Variants in ATP6V1B2 observed in about 807,000 individuals in gnomAD.
ATP6V1B2 encodes V-type proton ATPase subunit B, brain isoform.
Under a neutral mutation model 66.7 loss-of-function variants are expected in ATP6V1B2, and 23 were observed. That is an observed-to-expected ratio of 0.34 (90% confidence interval 0.25 to 0.49). The LOEUF is 0.49. ATP6V1B2 is among the 20% of genes least tolerant of loss of function. ATP6V1B2 has a pLI of 0.99. For missense variants in ATP6V1B2, 478 were observed against 650.8 expected (o/e 0.73, Z 2.89); for synonymous variants, 278 against 236.7 (o/e 1.17, Z -1.60).
At chr8:20,220,198 A>G in intron 13 of ATP6V1B2, 65 bp from the exon 14 acceptor site, 2 of 1,546,478 alleles carry the variant, frequency 1.3e-6, no homozygotes, top group Admixed American at 2.1e-5. Flanking sequence ...ATAACAATAC[A>G]TACTGGATAA....
chr8:20,211,470 A>C, intron 6 of ATP6V1B2, 154 bp downstream of exon 6: 1 of 1,297,942 alleles, frequency 7.7e-7, no homozygotes, highest in Non-Finnish European at 1.0e-6. Context: ...ATTTCTGCAC[A>C]TGTCTTCTTG....
intron 8 of ATP6V1B2, 39 bp downstream of exon 8, chr8:20,212,238 G>T: frequency 6.3e-7 from 1 of 1,583,946 alleles, no homozygotes. Flanking sequence ...GCCCAGACTC[G>T]GGATCAAAAG....
chr8:20,198,862 T>C lies in ATP6V1B2; in HGVS notation c.136+1320T>C, dbSNP rs188392269. ...ATTAGAAAATGTATGTTGGGACTTA[T>C]CTGAGCTGAAGTAGCTACTTCAGGA... On this transcript the variant is annotated intron_variant, in intron 1 of 13. Coordinates refer to ENST00000276390, the MANE Select transcript of ATP6V1B2 (RefSeq NM_001693.4). 6.2e-4 allele frequency among the ~76,000 whole-genome samples: 94 copies of C among 152,326 alleles called. 1 individual carries two copies. Among genetic ancestry groups the C allele is most frequent in the African/African-American group, 1.9e-3 (78 of 41,586 alleles).
chr8:20,197,871 C>T (rs2072644750), intron 1 of ATP6V1B2, among the ~76,000 whole-genome samples: 1 of 152,196 alleles, frequency 6.6e-6, no homozygotes, highest in Admixed American at 6.5e-5. Context: ...CACTTCTTGC[C>T]ACTCCGATCT....
Position 20,214,594 on chromosome 8 carries a change from GA to G in ATP6V1B2, c.928-223del, listed in dbSNP as rs2072831192. 12 of 379,152 alleles carry G rather than the reference GA, an allele frequency of 3.2e-5. No homozygotes were observed. The Admixed American group carries it at 4.2e-4, about 13-fold the overall frequency. The allele number at this position is 379,152 out of a possible 1,614,324, so 23.5% of individuals were successfully genotyped here. A position where few individuals can be genotyped will look rare whatever the true frequency, so the allele number is the denominator to read the frequency against. ...TTGAAAACTTACATTATGGCAATAC[GA>G]TTTTAGCAAAAACCTTCTGGTGCCC... On this transcript the variant is annotated intron_variant, in intron 9 of 13. Coordinates refer to ENST00000276390, the MANE Select transcript of ATP6V1B2 (RefSeq NM_001693.4).
At chr8:20,202,171 G>A (rs975228293) in intron 1 of ATP6V1B2, among the ~76,000 whole-genome samples, 1 of 152,142 alleles carries the variant, frequency 6.6e-6, no homozygotes. Flanking sequence ...ATTGTTTTGG[G>A]TGGTATCGCT....
chr8:20,206,321 A>T (rs1228312846), intron 2 of ATP6V1B2, among the ~76,000 whole-genome samples: 1 of 152,140 alleles, frequency 6.6e-6, no homozygotes, highest in Admixed American at 6.6e-5. Context: ...TGTACCCCAT[A>T]GGTTAAGGGC....
At chr8:20,217,078 C>G in intron 11 of ATP6V1B2, 142 bp from the exon 12 acceptor site, 1 of 667,314 alleles carries the variant, frequency 1.5e-6, no homozygotes, top group South Asian at 1.8e-5. Flanking sequence ...CAGGAAGAGA[C>G]AGTAGGATTC....
chr8:20,197,757 T>A (rs997302613), intron 1 of ATP6V1B2, among the ~76,000 whole-genome samples: 1 of 152,102 alleles, frequency 6.6e-6, no homozygotes, highest in African/African-American at 2.4e-5. Context: ...AGCGGGAACT[T>A]TTTCCTGGGG....
chr8:20,216,523 C>T (rs1227069440), intron 11 of ATP6V1B2, 28 bp downstream of exon 11: 19 of 1,579,140 alleles, frequency 1.2e-5, no homozygotes, highest in Non-Finnish European at 1.5e-5. Context: ...TGCTGGGAAG[C>T]TTGCAGACCT....
chr8:20,218,291 A>G lies in ATP6V1B2; in HGVS notation c.1396+9A>G. ...GAACTTCATTGCTCAGGGTAAGATG[A>G]CTGTTGGCTTACAAACATAAAAAGC... On this transcript the variant is annotated intron_variant, in intron 13 of 13. Transcript: ENST00000276390. 1 of 1,609,096 alleles carries G rather than the reference A, an allele frequency of 6.2e-7. No homozygotes were observed. The highest frequency in any genetic ancestry group is 2.2e-5 in the East Asian group (1 of 44,830).
At chr8:20,202,567 T>G (rs2072698398) in intron 1 of ATP6V1B2, among the ~76,000 whole-genome samples, 2 of 152,254 alleles carry the variant, frequency 1.3e-5, no homozygotes, top group South Asian at 4.1e-4. Context: ...GATGTCAATT[T>G]GAGTCACTGT....
chr8:20,217,436 T>G, intron 12 of ATP6V1B2, 112 bp downstream of exon 12: 1 of 949,860 alleles, frequency 1.1e-6, no homozygotes, highest in Non-Finnish European at 1.7e-6. Context: ...ACATGGAATT[T>G]TAGTGTAGGC....
chr8:20,198,909 T>A (rs572493222), intron 1 of ATP6V1B2, among the ~76,000 whole-genome samples: 17 of 152,364 alleles, frequency 1.1e-4, no homozygotes, highest in African/African-American at 4.1e-4. Flanking sequence ...GTTGCATTCT[T>A]ATGCAAACCT....
chr8:20,202,447 A>T (rs769479876), intron 1 of ATP6V1B2, among the ~76,000 whole-genome samples: 1 of 152,224 alleles, frequency 6.6e-6, no homozygotes, highest in Non-Finnish European at 1.5e-5. Flanking sequence ...TAAATGTATG[A>T]TAGTGTTATC....
Position 20,212,207 on chromosome 8 carries a change from A to C in ATP6V1B2, c.803+8A>C, listed in dbSNP as rs1274788107. On this transcript the variant is annotated splice_region_variant and intron_variant, in intron 8 of 13. Transcript: ENST00000276390. The stretch of plus-strand genomic sequence containing the variant: ...CTTGGCTAATGACCCAACGTAAGTA[A>C]CAGAGCTATTTCTTTCTGTGGCCCA... 1.2e-6 allele frequency: 2 copies of C among 1,611,430 alleles called. No individual in the cohort carries two copies. Among genetic ancestry groups the C allele is most frequent in the Non-Finnish European group, 1.7e-6 (2 of 1,178,022 alleles).
chr8:20,212,156 A>G lies in ATP6V1B2; in HGVS notation c.760A>G (p.Met254Val), dbSNP rs771254645. ...FKSDFEENGS[M>V]DNVCLFLNLA... is the part of the protein sequence containing the mutation. ...ATCTGACTTTGAAGAAAATGGCTCA[A>G]TGGACAATGTCTGCCTCTTTTTGAA... Residue 254 changes from methionine (M) to valine (V), a missense_variant, in exon 8 of 14, where the codon ATG becomes GTG. Physicochemically the swap from Met to Val is conservative, Grantham distance 21. Coordinates refer to ENST00000276390, the MANE Select transcript of ATP6V1B2 (RefSeq NM_001693.4). 7 of 1,613,730 alleles carry G rather than the reference A, an allele frequency of 4.3e-6. No individual in the cohort carries two copies. Among genetic ancestry groups the G allele is most frequent in the East Asian group, 2.2e-5 (1 of 44,856 alleles).
Position 20,209,129 on chromosome 8 carries a change from T to C in ATP6V1B2, c.193-304T>C, listed in dbSNP as rs1237691740. On this transcript the variant is annotated intron_variant, in intron 2 of 13. Coordinates refer to ENST00000276390, the MANE Select transcript of ATP6V1B2 (RefSeq NM_001693.4). ...GTGAGAACATGTTTATCTGTACTTT[T>C]CTGTAGCCTCAAAACTATAAAATAT... is the stretch of plus-strand genomic sequence containing the variant. Among the ~76,000 whole-genome samples, 4 of 152,330 alleles carry C rather than the reference T, an allele frequency of 2.6e-5. No individual in the cohort carries two copies. In the South Asian group the frequency reaches 6.2e-4, roughly 24 times the overall value.
At chr8:20,217,803 A>C (rs2072870475) in intron 12 of ATP6V1B2, among the ~76,000 whole-genome samples, 1 of 152,204 alleles carries the variant, frequency 6.6e-6, no homozygotes, top group Admixed American at 6.5e-5. Context: ...TGGTAAACTT[A>C]GCGATATCAC....
Sources: allele counts gnomAD v4.1 joint callset (sites outside exome capture counted in the v4.1 genomes callset), GRCh38; gene constraint gnomAD v4.1.1; transcripts MANE v1.5; gene names NCBI Gene and HGNC (gene_info 2026-07-23, HGNC 2026-07-21).